KSR2: variants seen among roughly 807,000 people sequenced by gnomAD.
The protein encoded by KSR2 is kinase suppressor of ras 2.
In KSR2, 25 loss-of-function variants were observed where a neutral mutation model predicts 107.8. That is an observed-to-expected ratio of 0.23 (90% CI 0.17 to 0.32). The LOEUF is 0.32. KSR2 is among the 10% of genes least tolerant of loss of function. The pLI is 1.00. For synonymous variants in KSR2, 480 were observed against 507.0 expected (o/e 0.95, Z 0.71); for missense variants, 887 against 1,268.9 (o/e 0.70, Z 4.57).
intron 4 of KSR2, among the ~76,000 whole-genome samples, chr12:117,700,467 A>G (rs187453242): frequency 3.3e-4 from 50 of 152,306 alleles, no homozygotes; most frequent in African/African-American, 9.4e-4. Context: ...ATTGTAGTAG[A>G]ACAAGGTCCT....
intron 4 of KSR2, among the ~76,000 whole-genome samples, chr12:117,736,210 CT>C (rs1215507236): frequency 6.6e-6 from 1 of 152,202 alleles, no homozygotes; most frequent in Non-Finnish European, 1.5e-5. Flanking sequence ...CATTTATTCA[CT>C]TTGTTTTCCT....
intron 4 of KSR2, among the ~76,000 whole-genome samples, chr12:117,678,753 C>T (rs1593122311): frequency 6.6e-6 from 1 of 152,182 alleles, no homozygotes; most frequent in Non-Finnish European, 1.5e-5. Flanking sequence ...TGGGTGAGGA[C>T]AATGGACAAC....
chr12:117,757,288 A>C (rs148997756), intron 4 of KSR2, among the ~76,000 whole-genome samples: 1 of 152,318 alleles, frequency 6.6e-6, no homozygotes. Context: ...TGAAGATATA[A>C]CTGAATTGTT....
At chr12:117,472,790 C>T (rs941492355) in intron 17 of KSR2, among the ~76,000 whole-genome samples, 3 of 152,180 alleles carry the variant, frequency 2.0e-5, no homozygotes, top group African/African-American at 7.2e-5. Context: ...TGAGGTTTTA[C>T]TCTGCACTAG....
intron 3 of KSR2, among the ~76,000 whole-genome samples, chr12:117,768,256 C>G (rs900749201): frequency 6.6e-6 from 1 of 152,222 alleles, no homozygotes; most frequent in African/African-American, 2.4e-5. Context: ...GGAGGCCAAG[C>G]ATCTGCCCAC....
At chr12:117,712,850 G>C (rs953514901) in intron 4 of KSR2, among the ~76,000 whole-genome samples, 2 of 152,020 alleles carry the variant, frequency 1.3e-5, no homozygotes, top group African/African-American at 4.8e-5. Context: ...AATAGATATA[G>C]ATATATCTAG....
At chr12:117,951,611 T>G (rs1400342601) in intron 1 of KSR2, among the ~76,000 whole-genome samples, 1 of 152,060 alleles carries the variant, frequency 6.6e-6, no homozygotes, top group East Asian at 1.9e-4. Context: ...CCCAGATGGA[T>G]TAAGAATGGA....
At chr12:117,515,160 A>T (rs568323811) in intron 14 of KSR2, among the ~76,000 whole-genome samples, 6 of 152,256 alleles carry the variant, frequency 3.9e-5, no homozygotes, top group African/African-American at 1.4e-4. Context: ...TATTTCCATC[A>T]TCAGGCACTG....
chr12:117,634,099 G>A (rs1653547845), intron 5 of KSR2, among the ~76,000 whole-genome samples: 2 of 152,118 alleles, frequency 1.3e-5, no homozygotes, highest in Non-Finnish European at 2.9e-5. Context: ...CATGTGGTGG[G>A]CGATCCATGA....
intron 4 of KSR2, among the ~76,000 whole-genome samples, chr12:117,717,916 G>T (rs1047621886): frequency 6.6e-6 from 1 of 152,196 alleles, no homozygotes; most frequent in Non-Finnish European, 1.5e-5. Context: ...TTGAGACACA[G>T]AGGGAGGAGG....
chr12:117,734,335 T>A (rs142494078), intron 4 of KSR2, among the ~76,000 whole-genome samples: 107 of 151,508 alleles, frequency 7.1e-4, no homozygotes, highest in African/African-American at 2.4e-3. Context: ...AGGCATTATT[T>A]CTCTGGAATG....
At chr12:117,657,014 A>ATATC (rs1565947276) in intron 5 of KSR2, among the ~76,000 whole-genome samples, 1 of 114,372 alleles carries the variant, frequency 8.7e-6, no homozygotes, top group Non-Finnish European at 1.8e-5. Context: ...ATATATATAT[A>ATATC]TCCTATTAGT....
intron 4 of KSR2, among the ~76,000 whole-genome samples, chr12:117,742,914 A>C (rs1200617366): frequency 6.6e-6 from 1 of 152,222 alleles, no homozygotes; most frequent in Non-Finnish European, 1.5e-5. Context: ...CACTGGGCCT[A>C]AAGCTGTGGT....
At chr12:117,635,100 C>T (rs187457717) in intron 5 of KSR2, among the ~76,000 whole-genome samples, 3 of 152,300 alleles carry the variant, frequency 2.0e-5, no homozygotes, top group Admixed American at 2.0e-4. Flanking sequence ...TGGAGGTTCT[C>T]TGGAAAACTC....
intron 1 of KSR2, among the ~76,000 whole-genome samples, chr12:117,940,555 C>T (rs1318223225): frequency 2.0e-5 from 3 of 152,162 alleles, no homozygotes; most frequent in Non-Finnish European, 4.4e-5. Flanking sequence ...CAGTGGTGTA[C>T]TGCAGTGTTC....
intron 1 of KSR2, among the ~76,000 whole-genome samples, chr12:117,871,392 C>T (rs953573103): frequency 2.0e-5 from 3 of 152,114 alleles, no homozygotes; most frequent in Non-Finnish European, 4.4e-5. Context: ...AGTTCAAGAG[C>T]AGCCTGGACA....
intron 5 of KSR2, among the ~76,000 whole-genome samples, chr12:117,630,141 T>G (rs1451089795): frequency 2.0e-5 from 3 of 152,160 alleles, no homozygotes; most frequent in African/African-American, 7.2e-5. Flanking sequence ...GTGTTGCACA[T>G]GCCTAATGTC....
chr12:117,484,366 C>T (rs1232290874), intron 16 of KSR2, 50 bp downstream of exon 16: 1 of 1,605,814 alleles, frequency 6.2e-7, no homozygotes, highest in Admixed American at 1.7e-5. Flanking sequence ...TTCCCACCTC[C>T]TGACCATCAT....
chr12:117,777,920 C>T (rs753584427), intron 3 of KSR2, among the ~76,000 whole-genome samples: 12 of 151,898 alleles, frequency 7.9e-5, no homozygotes, highest in East Asian at 5.8e-4. Context: ...GTAGTCCCAG[C>T]GACTTGGGTG....
Sources: allele counts gnomAD v4.1 joint callset (sites outside exome capture counted in the v4.1 genomes callset), GRCh38; gene constraint gnomAD v4.1.1; transcripts MANE v1.5; gene names NCBI Gene and HGNC (gene_info 2026-07-23, HGNC 2026-07-21).